MYO1D: variants seen among roughly 807,000 people sequenced by gnomAD.
MYO1D encodes the protein unconventional myosin-Id.
MYO1D carries 83 observed loss-of-function variants against 122.0 expected under a neutral mutation model. That is an observed-to-expected ratio of 0.68 (90% CI 0.57 to 0.82). The LOEUF is 0.82. MYO1D is among the 40% of genes least tolerant of loss of function. The pLI is 0.00. For missense variants in MYO1D, 1,157 were observed against 1,269.5 expected (o/e 0.91, Z 1.35); for synonymous variants, 464 against 446.9 (o/e 1.04, Z -0.48).
At chr17:32,629,596 C>T (rs1022370949) in intron 20 of MYO1D, among the ~76,000 whole-genome samples, 4 of 152,058 alleles carry the variant, frequency 2.6e-5, no homozygotes, top group South Asian at 2.1e-4. Flanking sequence ...ATTAGCCAGG[C>T]GTGGTGGCGG....
At chr17:32,841,129 T>C (rs1415934230) in intron 1 of MYO1D, among the ~76,000 whole-genome samples, 2 of 152,180 alleles carry the variant, frequency 1.3e-5, no homozygotes, top group Non-Finnish European at 2.9e-5. Context: ...AAATACCTTT[T>C]TGACTTACAA....
At chr17:32,828,803 T>G (rs2090746873) in intron 1 of MYO1D, among the ~76,000 whole-genome samples, 1 of 152,264 alleles carries the variant, frequency 6.6e-6, no homozygotes, top group Non-Finnish European at 1.5e-5. Flanking sequence ...TTTTCTCATT[T>G]AAACTTCAGA....
chr17:32,523,752 C>T (rs1910239472), intron 21 of MYO1D, among the ~76,000 whole-genome samples: 1 of 145,468 alleles, frequency 6.9e-6, no homozygotes, highest in African/African-American at 2.6e-5. Context: ...GATTGTACCA[C>T]TGCACTCCAG....
chr17:32,675,088 CTA>C (rs1253096300), intron 16 of MYO1D, among the ~76,000 whole-genome samples: 4 of 152,150 alleles, frequency 2.6e-5, no homozygotes, highest in Non-Finnish European at 4.4e-5. Flanking sequence ...ACACAATTAA[CTA>C]TGAAGACTGT....
intron 1 of MYO1D, among the ~76,000 whole-genome samples, chr17:32,828,255 G>A (rs568438380): frequency 9.9e-5 from 15 of 152,230 alleles, no homozygotes; most frequent in African/African-American, 2.4e-4. Context: ...AGTGGCTCAC[G>A]CCTGTAATCC....
chr17:32,602,893 A>G (rs1457739714), intron 21 of MYO1D, among the ~76,000 whole-genome samples: 1 of 152,258 alleles, frequency 6.6e-6, no homozygotes, highest in African/African-American at 2.4e-5. Context: ...ATAGTTGACA[A>G]TAAAGGAAAA....
intron 15 of MYO1D, among the ~76,000 whole-genome samples, chr17:32,716,958 T>C (rs1299490458): frequency 1.3e-5 from 2 of 152,238 alleles, no homozygotes; most frequent in Non-Finnish European, 2.9e-5. Context: ...TCCTTCTCTC[T>C]TTTCTCAGTA....
intron 1 of MYO1D, among the ~76,000 whole-genome samples, chr17:32,793,555 C>T (rs1041802739): frequency 6.6e-5 from 10 of 152,064 alleles, no homozygotes; most frequent in African/African-American, 2.2e-4. Context: ...CAGTTCTAAC[C>T]ACTTCTTGGT....
At chr17:32,615,712 T>C (rs2087761693) in intron 20 of MYO1D, among the ~76,000 whole-genome samples, 1 of 152,338 alleles carries the variant, frequency 6.6e-6, no homozygotes, top group African/African-American at 2.4e-5. Flanking sequence ...ATCGAAGGCA[T>C]CCATAGTATC....
intron 21 of MYO1D, among the ~76,000 whole-genome samples, chr17:32,559,140 T>C (rs148783158): frequency 1.6e-4 from 24 of 152,346 alleles, no homozygotes; most frequent in African/African-American, 5.3e-4. Context: ...AATTACTGAA[T>C]TGGATCTTGA....
chr17:32,793,528 T>C (rs1442092271), intron 1 of MYO1D, among the ~76,000 whole-genome samples: 2 of 152,230 alleles, frequency 1.3e-5, no homozygotes, highest in Non-Finnish European at 1.5e-5. Context: ...TATGCAATTA[T>C]ATAATCTCCA....
At chr17:32,730,302 C>G (rs2089622432) in intron 14 of MYO1D, among the ~76,000 whole-genome samples, 1 of 152,032 alleles carries the variant, frequency 6.6e-6, no homozygotes, top group Admixed American at 6.5e-5. Context: ...ATTACAATTA[C>G]CTGCTCTTCT....
intron 20 of MYO1D, among the ~76,000 whole-genome samples, chr17:32,614,072 A>ATTTTTTTTTTTTTTTTTTTTTTTTTT (rs527897976): frequency 7.9e-6 from 1 of 126,624 alleles, no homozygotes; most frequent in Non-Finnish European, 1.6e-5. Flanking sequence ...TAATGTTTTA[A>ATTTTTTTTTTTTTTTTTTTTTTTTTT]TTTTTTTTTT....
chr17:32,610,702 G>C (rs993010465), intron 20 of MYO1D, among the ~76,000 whole-genome samples: 1 of 152,134 alleles, frequency 6.6e-6, no homozygotes, highest in Non-Finnish European at 1.5e-5. Flanking sequence ...CTCTGTCTTC[G>C]AGGGTCTTAC....
intron 1 of MYO1D, among the ~76,000 whole-genome samples, chr17:32,798,872 A>G (rs1356931300): frequency 1.3e-5 from 2 of 152,206 alleles, no homozygotes; most frequent in Non-Finnish European, 2.9e-5. Flanking sequence ...TGTGAACCAA[A>G]TTTCTTTTTA....
At chr17:32,730,605 G>A (rs2089627018) in intron 14 of MYO1D, among the ~76,000 whole-genome samples, 1 of 152,000 alleles carries the variant, frequency 6.6e-6, no homozygotes, top group South Asian at 2.1e-4. Flanking sequence ...TATAGAATTT[G>A]GTTTACGTTT....
chr17:32,750,459 C>T (rs2089887328), intron 11 of MYO1D, among the ~76,000 whole-genome samples: 1 of 151,744 alleles, frequency 6.6e-6, no homozygotes, highest in African/African-American at 2.4e-5. Flanking sequence ...GAAAAAAATA[C>T]AAAAAATTAG....
At chr17:32,853,053 T>C (rs2091002377) in intron 1 of MYO1D, among the ~76,000 whole-genome samples, 1 of 152,204 alleles carries the variant, frequency 6.6e-6, no homozygotes, top group African/African-American at 2.4e-5. Flanking sequence ...AGCCTCAGCC[T>C]GTTATCTTAC....
At chr17:32,547,250 A>G (rs1268733875) in intron 21 of MYO1D, among the ~76,000 whole-genome samples, 1 of 152,126 alleles carries the variant, frequency 6.6e-6, no homozygotes. Flanking sequence ...CTTTTTTCAT[A>G]TATGTTACAG....
Sources: allele counts gnomAD v4.1 joint callset (sites outside exome capture counted in the v4.1 genomes callset), GRCh38; gene constraint gnomAD v4.1.1; transcripts MANE v1.5; gene names NCBI Gene and HGNC (gene_info 2026-07-23, HGNC 2026-07-21).